TANC2: variants seen among roughly 807,000 people sequenced by gnomAD.
The protein encoded by TANC2 is tetratricopeptide repeat, ankyrin repeat and coiled-coil containing 2.
A neutral mutation model predicts 210.5 loss-of-function variants in TANC2; 26 were observed. That is an observed-to-expected ratio of 0.12 (90% CI 0.09 to 0.17). TANC2 has a LOEUF of 0.17. TANC2 is among the 10% of genes least tolerant of loss of function. TANC2 has a pLI of 1.00. For synonymous variants in TANC2, 931 were observed against 967.1 expected (o/e 0.96, Z 0.69); for missense variants, 2,129 against 2,608.9 (o/e 0.82, Z 4.01).
chr17:63,101,636 C>T (rs2144925361), intron 4 of TANC2, among the ~76,000 whole-genome samples: 1 of 152,238 alleles, frequency 6.6e-6, no homozygotes, highest in Middle Eastern at 3.4e-3. Flanking sequence ...CCACTAAGAC[C>T]CCTGCCTTCA....
rs140647302 is a variant in TANC2, at chr17:63,290,459, T to C, written c.1159+22586T>C. Among the ~76,000 whole-genome samples, 215 of 152,318 alleles carry C rather than the reference T, an allele frequency of 1.4e-3. 1 individual carries two copies. Among genetic ancestry groups the C allele is most frequent in the Middle Eastern group, 3.4e-3 (1 of 294 alleles). The stretch of plus-strand genomic sequence containing the variant: ...TGAATTTTTAGTCTGTTCAGGTTTT[T>C]ACTTGTTGTTAGGATGAAGTGGTGA... On this transcript the variant is annotated intron_variant, in intron 9 of 27. Coordinates refer to ENST00000689528, the Ensembl canonical transcript of TANC2.
chr17:63,126,989 G>A (rs991668821), intron 4 of TANC2, among the ~76,000 whole-genome samples: 2 of 152,142 alleles, frequency 1.3e-5, no homozygotes, highest in Admixed American at 1.3e-4. Flanking sequence ...TGATATATAA[G>A]GTACTGCTTA....
At chr17:63,154,678 G>A (rs2039774137) in intron 5 of TANC2, 1 of 152,042 alleles carries the variant, frequency 6.6e-6, no homozygotes, top group Admixed American at 6.6e-5. Context: ...ATAATTGTTA[G>A]TTGATTTTAT....
chr17:63,161,116 C>T (rs1186693257), intron 5 of TANC2, among the ~76,000 whole-genome samples: 2 of 152,144 alleles, frequency 1.3e-5, no homozygotes, highest in Non-Finnish European at 2.9e-5. Context: ...TGAGTTTTCT[C>T]AAAACCCAAA....
chr17:63,063,064 G>A (rs926964643), intron 2 of TANC2, among the ~76,000 whole-genome samples: 1 of 152,162 alleles, frequency 6.6e-6, no homozygotes, highest in Admixed American at 6.5e-5. Context: ...CCTTCCTCAG[G>A]TTTGAGCATT....
At chr17:63,390,484 C>A (rs1312067113) in intron 17 of TANC2, 4 of 152,108 alleles carry the variant, frequency 2.6e-5, no homozygotes, top group African/African-American at 9.7e-5. Context: ...ATAACTGGGC[C>A]TCGTTACTAT....
chr17:62,994,104 T>A (rs2032995336), intron 1 of TANC2, among the ~76,000 whole-genome samples: 2 of 152,224 alleles, frequency 1.3e-5, no homozygotes, highest in African/African-American at 4.8e-5. Flanking sequence ...TTTGGATGCC[T>A]TTTATTTCTT....
intron 4 of TANC2, among the ~76,000 whole-genome samples, chr17:63,135,139 C>T (rs2039047276): frequency 1.3e-5 from 2 of 152,066 alleles, no homozygotes; most frequent in African/African-American, 4.8e-5. Context: ...TTACTTGAAC[C>T]CAAGAGGTCA....
chr17:63,173,668 G>A (rs1187314534), intron 5 of TANC2, among the ~76,000 whole-genome samples: 1 of 152,168 alleles, frequency 6.6e-6, no homozygotes, highest in African/African-American at 2.4e-5. Context: ...GATTGTGGCT[G>A]ACTCCCCTGC....
chr17:63,277,598 A>G (rs1279204599), intron 9 of TANC2, among the ~76,000 whole-genome samples: 4 of 152,208 alleles, frequency 2.6e-5, no homozygotes, highest in African/African-American at 9.6e-5. Flanking sequence ...AGTTTTGAAG[A>G]AAACAAGTTA....
In TANC2 at chr17:63,358,230, G is replaced by C. The variant is rs542983063; in HGVS notation, c.2582+2840G>C. Among the ~76,000 whole-genome samples, 34 of 152,286 alleles carry C rather than the reference G, an allele frequency of 2.2e-4. No individual in the cohort carries two copies. The East Asian group carries it at 4.8e-3, about 22-fold the overall frequency. Reference sequence around the variant, plus strand: ...TGAGTTTTCATTATTTTGAATACCAGACTGCTTATTGTCTCAGAATCTGGG... The same window carrying C: ...TGAGTTTTCATTATTTTGAATACCACACTGCTTATTGTCTCAGAATCTGGG... On this transcript the variant is annotated intron_variant, in intron 14 of 27. Transcript: ENST00000689528.
At chr17:63,367,932 A>G (rs2047157407) in intron 14 of TANC2, among the ~76,000 whole-genome samples, 1 of 152,198 alleles carries the variant, frequency 6.6e-6, no homozygotes, top group African/African-American at 2.4e-5. Context: ...TGGTGATGTG[A>G]AAGATAGCTC....
exon 28 of TANC2, chr17:63,422,841 A>C (rs1426114282): frequency 1.3e-5 from 2 of 152,218 alleles, no homozygotes; most frequent in Admixed American, 6.5e-5. Context: ...AGGCTATAGG[A>C]AGTCTGTTCT....
chr17:63,238,544 C>T (rs1243621783), intron 8 of TANC2, among the ~76,000 whole-genome samples: 2 of 152,148 alleles, frequency 1.3e-5, no homozygotes, highest in African/African-American at 4.8e-5. Context: ...AGCTTTTCCT[C>T]ATCCCGTGAG....
chr17:63,177,445 A>T (rs1415962785), intron 5 of TANC2, among the ~76,000 whole-genome samples: 1 of 151,854 alleles, frequency 6.6e-6, no homozygotes, highest in Admixed American at 6.6e-5. Context: ...TGACTAAGAG[A>T]ATGCTTAGAT....
chr17:63,379,581 A>G, intron 14 of TANC2, 137 bp from the exon 15 acceptor site: 1 of 522,460 alleles, frequency 1.9e-6, no homozygotes, highest in Non-Finnish European at 3.3e-6. Flanking sequence ...AGGGAGGAGA[A>G]TCACTTAAAC....
chr17:63,352,162 T>C (rs2146882567), intron 13 of TANC2, among the ~76,000 whole-genome samples: 1 of 152,292 alleles, frequency 6.6e-6, no homozygotes, highest in African/African-American at 2.4e-5. Flanking sequence ...TCATTCTTTT[T>C]ATAAAAATTA....
chr17:63,186,350 C>CTTTTTT (rs11314991), intron 5 of TANC2, among the ~76,000 whole-genome samples: 1 of 114,384 alleles, frequency 8.7e-6, no homozygotes. Context: ...CTCTCTCTCT[C>CTTTTTT]TTTTTTTTTT....
At chr17:63,181,625 C>G (rs550869760) in intron 5 of TANC2, among the ~76,000 whole-genome samples, 1 of 152,344 alleles carries the variant, frequency 6.6e-6, no homozygotes, top group South Asian at 2.1e-4. Context: ...AGAAATTTCA[C>G]TTGACACCGA....
Sources: gnomAD v4.1 joint callset for allele counts (sites outside exome capture counted in the v4.1 genomes callset) on GRCh38, gnomAD v4.1.1 for gene constraint, MANE v1.5 for transcripts, NCBI Gene and HGNC (gene_info 2026-07-23, HGNC 2026-07-21) for gene names.